Variants in ZSWIM5 observed in about 807,000 individuals in gnomAD.
ZSWIM5 encodes the protein zinc finger SWIM domain-containing protein 5.
Under a neutral mutation model 119.6 loss-of-function variants are expected in ZSWIM5, and 55 were observed. The observed-to-expected ratio is 0.46, with a 90% confidence interval of 0.37 to 0.58. ZSWIM5 has a LOEUF of 0.58. ZSWIM5 is among the 20% of genes least tolerant of loss of function. The probability of loss-of-function intolerance (pLI) is 0.00; values close to 1 mark genes in which losing one functional copy is unlikely to be tolerated. For missense variants in ZSWIM5, 1,193 were observed against 1,512.8 expected (o/e 0.79, Z 3.51); for synonymous variants, 537 against 606.9 (o/e 0.88, Z 1.69).
chr1:45,186,331 G>C (rs1442779408), intron 1 of ZSWIM5, among the ~76,000 whole-genome samples: 4 of 150,458 alleles, frequency 2.7e-5, no homozygotes, highest in Non-Finnish European at 5.9e-5. Context: ...CAGCACACCA[G>C]CATGGCACAT....
At chr1:45,127,249 TA>T (rs921198048) in intron 1 of ZSWIM5, among the ~76,000 whole-genome samples, 18 of 151,344 alleles carry the variant, frequency 1.2e-4, no homozygotes, top group African/African-American at 1.9e-4. Flanking sequence ...ATTAACAGGC[TA>T]AAAAAAAATC....
At chr1:45,193,954 A>G (rs1262452153) in intron 1 of ZSWIM5, among the ~76,000 whole-genome samples, 3 of 151,938 alleles carry the variant, frequency 2.0e-5, no homozygotes, top group African/African-American at 7.3e-5. Context: ...ATATATATAT[A>G]TACATACATG....
chr1:45,085,507 T>C (rs1645321474), intron 2 of ZSWIM5, among the ~76,000 whole-genome samples: 1 of 151,758 alleles, frequency 6.6e-6, no homozygotes, highest in Non-Finnish European at 1.5e-5. Context: ...ATATAAGTTC[T>C]AGTTTTAGGT....
chr1:45,090,760 T>G (rs1385739399), intron 1 of ZSWIM5, among the ~76,000 whole-genome samples: 1 of 151,960 alleles, frequency 6.6e-6, no homozygotes, highest in Non-Finnish European at 1.5e-5. Flanking sequence ...GAGTTTGAGG[T>G]TGCTAGATAG....
Position 45,105,269 on chromosome 1 carries a change from G to A in ZSWIM5, c.596-17032C>T, listed in dbSNP as rs540443854. 2.0e-5 allele frequency among the ~76,000 whole-genome samples: 3 copies of A among 152,276 alleles called. No individual in the cohort carries two copies. In the East Asian group the frequency reaches 5.8e-4, roughly 29 times the overall value. On this transcript the variant is annotated intron_variant, in intron 1 of 13. Transcript: ENST00000359600. The stretch of plus-strand genomic sequence containing the variant: ...ACTCATGCTCAATGTTGCCCAGGCT[G>A]GAGTGCAGTGGCATGATCTCGGCTC...
intron 10 of ZSWIM5, 51 bp from the exon 11 acceptor site, chr1:45,034,520 G>A (rs779663960): frequency 1.0e-5 from 16 of 1,544,876 alleles, no homozygotes; most frequent in African/African-American, 4.1e-5. Flanking sequence ...CTGGGCTTCC[G>A]AGCCACCTTA....
chr1:45,148,052 T>C (rs1645773143), intron 1 of ZSWIM5, among the ~76,000 whole-genome samples: 1 of 152,168 alleles, frequency 6.6e-6, no homozygotes, highest in Non-Finnish European at 1.5e-5. Context: ...GAGAAATATA[T>C]GAATATTCAC....
intron 1 of ZSWIM5, among the ~76,000 whole-genome samples, chr1:45,139,371 T>C (rs1254784556): frequency 6.6e-6 from 1 of 151,320 alleles, no homozygotes; most frequent in Non-Finnish European, 1.5e-5. Flanking sequence ...CTTTTCTTTT[T>C]TTTTCTCTCT....
rs565601780 is a variant in ZSWIM5, at chr1:45,028,771, A to T, written c.2449+5541T>A. On this transcript the variant is annotated intron_variant, in intron 11 of 13. Coordinates refer to ENST00000359600, the MANE Select transcript of ZSWIM5 (RefSeq NM_020883.2). The stretch of plus-strand genomic sequence containing the variant: ...CTCTGTCTCAAAAAATAAAAATAAA[A>T]AAAAATAAATAAAAATAATAATTTT... Among the ~76,000 whole-genome samples the T allele has an allele frequency of 1.8e-3, 277 of 152,010 alleles. 2 individuals are homozygous for T. Among genetic ancestry groups the T allele is most frequent in the African/African-American group, 5.9e-3 (243 of 41,472 alleles).
chr1:45,048,030 GTTGT>G (rs1645065728), intron 5 of ZSWIM5, among the ~76,000 whole-genome samples: 1 of 89,372 alleles, frequency 1.1e-5, no homozygotes, highest in African/African-American at 3.7e-5. Flanking sequence ...AGTTATTATG[GTTGT>G]TTCTTTCTTT....
intron 1 of ZSWIM5, among the ~76,000 whole-genome samples, chr1:45,092,335 C>T (rs1449590712): frequency 6.6e-6 from 1 of 152,032 alleles, no homozygotes; most frequent in African/African-American, 2.4e-5. Context: ...CTCACTCTGT[C>T]GCCCAGGCAG....
At chr1:45,137,124 G>A (rs565381822) in intron 1 of ZSWIM5, among the ~76,000 whole-genome samples, 1 of 152,216 alleles carries the variant, frequency 6.6e-6, no homozygotes, top group East Asian at 1.9e-4. Flanking sequence ...GTGTCGGCCA[G>A]GCTAGAGGGC....
chr1:45,185,108 T>C (rs1646049206), intron 1 of ZSWIM5, among the ~76,000 whole-genome samples: 1 of 152,108 alleles, frequency 6.6e-6, no homozygotes, highest in Non-Finnish European at 1.5e-5. Context: ...TATCTACAAC[T>C]ATCTGATCTT....
intron 1 of ZSWIM5, among the ~76,000 whole-genome samples, chr1:45,160,652 T>C (rs1645857748): frequency 7.1e-6 from 1 of 140,990 alleles, no homozygotes; most frequent in African/African-American, 2.9e-5. Context: ...TGTATATATG[T>C]ACCACTTTTT....
At chr1:45,139,800 A>G (rs1645716258) in intron 1 of ZSWIM5, among the ~76,000 whole-genome samples, 1 of 149,974 alleles carries the variant, frequency 6.7e-6, no homozygotes, top group African/African-American at 2.5e-5. Context: ...CAGCCTCCCA[A>G]AATTCTAGGA....
intron 1 of ZSWIM5, among the ~76,000 whole-genome samples, chr1:45,125,704 G>A (rs1215650179): frequency 2.0e-5 from 3 of 150,690 alleles, no homozygotes; most frequent in East Asian, 3.9e-4. Context: ...ATCCTGGGAG[G>A]CGGAGCCGAG....
chr1:45,044,013 GTC>G (rs1645032208), intron 5 of ZSWIM5, among the ~76,000 whole-genome samples: 1 of 151,906 alleles, frequency 6.6e-6, no homozygotes, highest in Non-Finnish European at 1.5e-5. Context: ...GCAAGACACT[GTC>G]TCTACAAAAA....
chr1:45,076,716 G>A (rs540188123), intron 2 of ZSWIM5, among the ~76,000 whole-genome samples: 174 of 151,888 alleles, frequency 1.1e-3, no homozygotes, highest in African/African-American at 3.6e-3. Context: ...TCTCTACGTC[G>A]TCTCTAAGCC....
chr1:45,081,565 G>A lies in ZSWIM5; in HGVS notation c.952+6316C>T, dbSNP rs571302687. ...TAACCGCGAGTGATCCGCCAGCCTC[G>A]GCCTCCCGAGGTGCCGGGATTGCAG... On this transcript the variant is annotated intron_variant, in intron 2 of 13. Transcript: ENST00000359600. Among the ~76,000 whole-genome samples the A allele has an allele frequency of 5.3e-5, 8 of 152,330 alleles. No homozygotes were observed. In the East Asian group the frequency reaches 1.2e-3, roughly 22 times the overall value.
Sources: gnomAD v4.1 joint callset for allele counts (sites outside exome capture counted in the v4.1 genomes callset) on GRCh38, gnomAD v4.1.1 for gene constraint, MANE v1.5 for transcripts, NCBI Gene and HGNC (gene_info 2026-07-23, HGNC 2026-07-21) for gene names.